The following ZMIZ1 variants were observed in gnomAD, a reference collection of about 807,000 sequenced individuals.
The protein encoded by ZMIZ1 is zinc finger MIZ-type containing 1, also known as zinc finger MIZ domain-containing protein 1.
In ZMIZ1, 17 loss-of-function variants were observed where a neutral mutation model predicts 113.9. That is an observed-to-expected ratio of 0.15 (90% confidence interval 0.10 to 0.22). The LOEUF (loss-of-function observed/expected upper bound fraction) is 0.22. Ranked by LOEUF, ZMIZ1 falls within the 10% of genes least tolerant of loss-of-function variation. The probability of loss-of-function intolerance (pLI) is 1.00; values close to 1 mark genes in which losing one functional copy is unlikely to be tolerated. For missense variants in ZMIZ1, 1,059 were observed against 1,477.8 expected, an observed-to-expected ratio of 0.72 and a Z score of 4.65; for synonymous variants, 607 against 603.1, an observed-to-expected ratio of 1.01 and a Z score of -0.09.
chr10:79,143,417 C>T (rs114049604), intron 3 of ZMIZ1, among the ~76,000 whole-genome samples: 2,761 of 152,272 alleles, frequency 0.018, 87 homozygotes, highest in African/African-American at 0.063. Flanking sequence ...CCCCTCTCTC[C>T]ACAGCAGAGT....
intron 2 of ZMIZ1, among the ~76,000 whole-genome samples, chr10:79,121,033 C>G (rs571226652): frequency 5.9e-5 from 9 of 152,296 alleles, no homozygotes; most frequent in African/African-American, 2.2e-4. Context: ...CCTTGAGAAG[C>G]CTGAGAAGGC....
At chr10:79,129,970 C>T (rs901492243) in intron 2 of ZMIZ1, among the ~76,000 whole-genome samples, 12 of 152,238 alleles carry the variant, frequency 7.9e-5, no homozygotes, top group African/African-American at 2.9e-4. Context: ...GGCTCTGGGT[C>T]AATTCATATT....
intron 3 of ZMIZ1, among the ~76,000 whole-genome samples, chr10:79,156,556 C>G (rs909723145): frequency 3.9e-5 from 6 of 152,202 alleles, no homozygotes; most frequent in Non-Finnish European, 8.8e-5. Flanking sequence ...GGTGAGGGAG[C>G]CGAGGGGCAT....
chr10:79,144,888 G>T (rs988558193), intron 3 of ZMIZ1, among the ~76,000 whole-genome samples: 5 of 151,800 alleles, frequency 3.3e-5, no homozygotes, highest in African/African-American at 1.2e-4. Context: ...GTTTTCCAAG[G>T]CCCTGACCTC....
intron 21 of ZMIZ1, among the ~76,000 whole-genome samples, chr10:79,305,830 C>T (rs1255537621): frequency 6.6e-6 from 1 of 152,154 alleles, no homozygotes; most frequent in Non-Finnish European, 1.5e-5. Context: ...GACAGTGCCC[C>T]GCCCCGACCC....
chr10:79,237,164 A>G (rs1389436684), intron 7 of ZMIZ1, among the ~76,000 whole-genome samples: 1 of 152,216 alleles, frequency 6.6e-6, no homozygotes, highest in Non-Finnish European at 1.5e-5. Context: ...GGGTGCATTC[A>G]CAGCTAGAAG....
intron 4 of ZMIZ1, among the ~76,000 whole-genome samples, chr10:79,197,642 A>ACACACACACACACACACC (rs1330208910): frequency 6.9e-6 from 1 of 145,466 alleles, no homozygotes; most frequent in African/African-American, 2.5e-5. Context: ...ACACACACAC[A>ACACACACACACACACACC]CCTGTACCCT....
At chr10:79,304,811 C>T (rs973166264) in intron 19 of ZMIZ1, among the ~76,000 whole-genome samples, 1 of 152,162 alleles carries the variant, frequency 6.6e-6, no homozygotes, top group African/African-American at 2.4e-5. Flanking sequence ...TCAGACTTGT[C>T]TTCGGTGCCT....
intron 5 of ZMIZ1, among the ~76,000 whole-genome samples, chr10:79,204,210 G>C (rs746857257): frequency 6.6e-6 from 1 of 152,172 alleles, no homozygotes; most frequent in Non-Finnish European, 1.5e-5. Flanking sequence ...TCTCCACACA[G>C]CCTTCCCTTC....
chr10:79,140,113 T>C (rs1400273460), intron 3 of ZMIZ1, among the ~76,000 whole-genome samples: 2 of 152,208 alleles, frequency 1.3e-5, no homozygotes, highest in South Asian at 2.1e-4. Flanking sequence ...GTTGGAACTC[T>C]AGGGCTGTAG....
At position 79,192,049 on chromosome 10, in the gene ZMIZ1, A is replaced by G. The variant is rs538195765; in HGVS notation, c.-49-9535A>G. Among the ~76,000 whole-genome samples the G allele has an allele frequency of 3.3e-5, 5 of 152,366 alleles. 1 individual carries two copies. The East Asian group carries it at 9.6e-4, about 29-fold the overall frequency. On this transcript the variant is annotated intron_variant, in intron 4 of 24. Coordinates refer to ENST00000334512, the MANE Select transcript of ZMIZ1 (RefSeq NM_020338.4). ...GCCCAAGGGGCCTTCTCCAGAGCTG[A>G]ATCCAACCCTCCTTTGCCTCTGGGG...
intron 1 of ZMIZ1, among the ~76,000 whole-genome samples, chr10:79,071,255 C>T (rs540577042): frequency 6.6e-6 from 1 of 152,254 alleles, no homozygotes; most frequent in Non-Finnish European, 1.5e-5. Flanking sequence ...CTGCTGCAAC[C>T]TGGGAACCGG....
intron 2 of ZMIZ1, among the ~76,000 whole-genome samples, chr10:79,138,298 C>G: frequency 6.6e-6 from 1 of 152,338 alleles, no homozygotes; most frequent in African/African-American, 2.4e-5. Context: ...GAATGTTCTG[C>G]GCCTCCAGAT....
intron 2 of ZMIZ1, among the ~76,000 whole-genome samples, chr10:79,136,593 CT>C (rs1406348847): frequency 6.6e-6 from 1 of 152,240 alleles, no homozygotes; most frequent in Non-Finnish European, 1.5e-5. Context: ...TGGTGAAGGG[CT>C]GGCAATGGCA....
chr10:79,217,809 ATTGGGATAT>A (rs1173184009), intron 7 of ZMIZ1, among the ~76,000 whole-genome samples: 1 of 152,240 alleles, frequency 6.6e-6, no homozygotes, highest in African/African-American at 2.4e-5. Flanking sequence ...GCCCGCCTGC[ATTGGGATAT>A]TGCTATCGTA....
chr10:79,269,034 C>T (rs1851776401), intron 7 of ZMIZ1, among the ~76,000 whole-genome samples: 1 of 152,102 alleles, frequency 6.6e-6, no homozygotes, highest in Non-Finnish European at 1.5e-5. Context: ...GAGGTGCTCC[C>T]TGGGATTCTA....
intron 7 of ZMIZ1, among the ~76,000 whole-genome samples, chr10:79,222,706 C>T (rs1286193436): frequency 6.6e-6 from 1 of 152,076 alleles, no homozygotes; most frequent in Non-Finnish European, 1.5e-5. Context: ...GGCCTGTGGT[C>T]CATGGAGAGA....
At chr10:79,282,819 C>G (rs1389209611) in intron 8 of ZMIZ1, among the ~76,000 whole-genome samples, 2 of 152,240 alleles carry the variant, frequency 1.3e-5, no homozygotes, top group Non-Finnish European at 2.9e-5. Flanking sequence ...GTTTTGTCCT[C>G]ATCACTGGCT....
rs184368241 is a variant in ZMIZ1, at chr10:79,147,762, G to A, written c.-131+7985G>A. On this transcript the variant is annotated intron_variant, in intron 3 of 24. Transcript: ENST00000334512. Reference sequence around the variant, plus strand: ...AGGAAGAGCAGTGAGAGGCACCGCCGAGCCTCTCATGGACCAAGCAGGTGT... The same window carrying A: ...AGGAAGAGCAGTGAGAGGCACCGCCAAGCCTCTCATGGACCAAGCAGGTGT... 7.2e-5 allele frequency among the ~76,000 whole-genome samples: 11 copies of A among 152,296 alleles called. No homozygotes were observed. In the East Asian group the frequency reaches 2.1e-3, roughly 29 times the overall value.
Sources: gnomAD v4.1 joint callset for allele counts (sites outside exome capture counted in the v4.1 genomes callset) on GRCh38, gnomAD v4.1.1 for gene constraint, MANE v1.5 for transcripts, NCBI Gene and HGNC (gene_info 2026-07-23, HGNC 2026-07-21) for gene names.